Variants in RNF128 observed in about 807,000 individuals in gnomAD.
RNF128 encodes ring finger protein 128.
Under a neutral mutation model 26.2 loss-of-function variants are expected in RNF128, and 13 were observed. The ratio of observed to expected loss-of-function variants is 0.50; its 90% CI spans 0.32 to 0.79. RNF128 has a LOEUF of 0.79. Among genes scored for constraint, RNF128 ranks in the 30% least tolerant of loss-of-function variants. The probability of loss-of-function intolerance (pLI) is 0.03; values close to 1 mark genes in which losing one functional copy is unlikely to be tolerated. For synonymous variants in RNF128, 149 were observed against 142.5 expected (o/e 1.05, Z -0.32); for missense variants, 315 against 349.7 (o/e 0.90, Z 0.79).
exon 1 of RNF128, chrX:106,694,082 C>T (rs772047874): frequency 1.7e-6 from 2 of 1,203,999 alleles, no homozygotes; most frequent in Non-Finnish European, 2.2e-6. Context: ...GCATCTTTTT[C>T]AATGAGTGCC....
At chrX:106,787,029 A>G (rs1379165773) in intron 3 of RNF128, among the ~76,000 whole-genome samples, 1 of 111,315 alleles carries the variant, frequency 9.0e-6, no homozygotes, top group African/African-American at 3.3e-5. Flanking sequence ...AGCCAATTTG[A>G]AAATGTTTGG....
intron 1 of RNF128, among the ~76,000 whole-genome samples, chrX:106,694,614 A>G (rs1052264584): frequency 5.1e-4 from 57 of 111,559 alleles, no homozygotes; most frequent in Middle Eastern, 4.7e-3. Context: ...TCATGAAGTG[A>G]TTCCTATTTT....
chrX:106,796,708 G>C lies in RNF128; in HGVS notation c.*995G>C, dbSNP rs996200604. 9 of 111,342 alleles carry C rather than the reference G, an allele frequency of 8.1e-5. No homozygotes were observed. Among genetic ancestry groups the C allele is most frequent in the African/African-American group, 2.6e-4 (8 of 30,583 alleles). The allele number at this position is 111,342 out of a possible 1,213,427, so 9.2% of individuals were successfully genotyped here. On this transcript the variant is annotated 3_prime_UTR_variant, in exon 7 of 7. Transcript: ENST00000255499. ...TTTTCCTGGTGTTTGAAAAAGAAGG[G>C]GGGGAGAATTCCAGGTGCCTTAATA... is the stretch of plus-strand genomic sequence containing the variant.
intron 1 of RNF128, among the ~76,000 whole-genome samples, chrX:106,764,356 C>T (rs1346423999): frequency 9.0e-6 from 1 of 110,684 alleles, no homozygotes; most frequent in African/African-American, 3.3e-5. Context: ...TCTAAAAGAA[C>T]AAAACATTTC....
intron 1 of RNF128, among the ~76,000 whole-genome samples, chrX:106,769,553 T>TG (rs1318664689): frequency 6.8e-5 from 7 of 102,748 alleles, no homozygotes; most frequent in Admixed American, 1.1e-4. Flanking sequence ...TTTGTTTTTT[T>TG]TTTTTTTTTT....
intron 4 of RNF128, among the ~76,000 whole-genome samples, chrX:106,788,684 A>G (rs1391035749): frequency 3.0e-5 from 2 of 67,428 alleles, no homozygotes; most frequent in African/African-American, 1.2e-4. Flanking sequence ...AGTATATAAT[A>G]TATAGTTATA....
chrX:106,722,340 A>G (rs1929327644), upstream of RNF128, among the ~76,000 whole-genome samples: 1 of 111,041 alleles, frequency 9.0e-6, no homozygotes, highest in Non-Finnish European at 1.9e-5. Flanking sequence ...CCTCAAACAT[A>G]TATACATGCA....
intron 4 of RNF128, among the ~76,000 whole-genome samples, chrX:106,789,104 CTATATACTA>C (rs1270984758): frequency 4.9e-5 from 4 of 81,586 alleles, no homozygotes; most frequent in East Asian, 3.6e-4. Flanking sequence ...TATATATATA[CTATATACTA>C]TATATACTAT....
At chrX:106,698,484 A>G (rs922029733) in intron 1 of RNF128, among the ~76,000 whole-genome samples, 1 of 111,627 alleles carries the variant, frequency 9.0e-6, no homozygotes, top group African/African-American at 3.3e-5. Context: ...GGGGAAATAA[A>G]AGCATGGTAT....
At chrX:106,708,778 G>A (rs1215434350) in intron 1 of RNF128, among the ~76,000 whole-genome samples, 1 of 111,597 alleles carries the variant, frequency 9.0e-6, no homozygotes, top group African/African-American at 3.3e-5. Context: ...TTAAGAGGAA[G>A]GCCTACCTGA....
At chrX:106,767,189 G>C (rs1029699714) in intron 1 of RNF128, among the ~76,000 whole-genome samples, 3 of 111,568 alleles carry the variant, frequency 2.7e-5, no homozygotes, top group African/African-American at 9.8e-5. Flanking sequence ...GGATTGTCTT[G>C]GCGATGCGGG....
chrX:106,719,361 C>T (rs978071146), intron 1 of RNF128, among the ~76,000 whole-genome samples: 20 of 111,008 alleles, frequency 1.8e-4, no homozygotes, highest in Non-Finnish European at 3.4e-4. Context: ...CCTGGGATTA[C>T]AGGTGTGCTC....
At chrX:106,765,055 C>G (rs928755790) in intron 1 of RNF128, among the ~76,000 whole-genome samples, 1 of 111,744 alleles carries the variant, frequency 8.9e-6, no homozygotes, top group Non-Finnish European at 1.9e-5. Context: ...CTCTACATTT[C>G]AGACTCCTTC....
chrX:106,735,578 T>A (rs954317327), intron 1 of RNF128, among the ~76,000 whole-genome samples: 2 of 111,695 alleles, frequency 1.8e-5, no homozygotes, highest in Admixed American at 1.9e-4. Context: ...ATCAGAAAAA[T>A]TCGTAGTTTT....
chrX:106,725,257 A>C (rs1205857756), upstream of RNF128, among the ~76,000 whole-genome samples: 1 of 111,481 alleles, frequency 9.0e-6, no homozygotes, highest in African/African-American at 3.3e-5. Flanking sequence ...TTGACCTCTA[A>C]AGTCCTTTTC....
intron 1 of RNF128, among the ~76,000 whole-genome samples, chrX:106,765,923 G>A (rs182597088): frequency 2.0e-3 from 180 of 91,109 alleles, no homozygotes; most frequent in South Asian, 4.8e-3. Context: ...CTGTGTCCAA[G>A]TGTTCTCATT....
intron 1 of RNF128, among the ~76,000 whole-genome samples, chrX:106,701,041 T>C (rs1928948538): frequency 1.8e-5 from 2 of 112,134 alleles, no homozygotes; most frequent in Non-Finnish European, 3.8e-5. Flanking sequence ...AGAAAGCTAT[T>C]GATATTGATC....
chrX:106,714,733 G>A (rs1430660777), intron 1 of RNF128, among the ~76,000 whole-genome samples: 1 of 111,661 alleles, frequency 9.0e-6, no homozygotes, highest in Non-Finnish European at 1.9e-5. Context: ...TTAACTCTGG[G>A]CAACCACTAA....
At chrX:106,729,608 A>G (rs966059980) in intron 1 of RNF128, among the ~76,000 whole-genome samples, 2 of 111,302 alleles carry the variant, frequency 1.8e-5, no homozygotes, top group African/African-American at 3.3e-5. Flanking sequence ...TTGATCACTA[A>G]ATTACACTAC....
Sources: allele counts gnomAD v4.1 joint callset (sites outside exome capture counted in the v4.1 genomes callset), GRCh38; gene constraint gnomAD v4.1.1; transcripts MANE v1.5; gene names NCBI Gene and HGNC (gene_info 2026-07-23, HGNC 2026-07-21).